The following CAMK1D variants were observed in gnomAD, a reference collection of about 807,000 sequenced individuals.
CAMK1D encodes the protein calcium/calmodulin dependent protein kinase ID.
A neutral mutation model predicts 47.7 loss-of-function variants in CAMK1D; 9 were observed. That is an observed-to-expected ratio of 0.19 (90% CI 0.11 to 0.33). CAMK1D has a LOEUF of 0.33. Ranked by LOEUF, CAMK1D falls within the 10% of genes least tolerant of loss-of-function variation. The pLI, the probability that CAMK1D is intolerant of heterozygous loss-of-function variation, is 1.00. For synonymous variants in CAMK1D, 184 were observed against 184.9 expected (o/e 0.99, Z 0.04); for missense variants, 291 against 488.7 (o/e 0.60, Z 3.81).
intron 1 of CAMK1D, among the ~76,000 whole-genome samples, chr10:12,393,054 C>G (rs1333978319): frequency 6.8e-6 from 1 of 147,700 alleles, no homozygotes; most frequent in African/African-American, 2.5e-5. Context: ...TTTTTTGAGA[C>G]ACAGTTTTGC....
intron 1 of CAMK1D, among the ~76,000 whole-genome samples, chr10:12,460,005 C>T (rs1281295791): frequency 1.3e-5 from 2 of 152,144 alleles, no homozygotes; most frequent in Admixed American, 6.5e-5. Context: ...ACTATAGCTC[C>T]ATCTGACATG....
chr10:12,362,112 G>A (rs925143407), intron 1 of CAMK1D, among the ~76,000 whole-genome samples: 4 of 152,086 alleles, frequency 2.6e-5, no homozygotes, highest in African/African-American at 9.7e-5. Flanking sequence ...ACTTGCCATC[G>A]TAACCATTTT....
At chr10:12,389,692 G>A (rs1026887682) in intron 1 of CAMK1D, among the ~76,000 whole-genome samples, 1 of 152,198 alleles carries the variant, frequency 6.6e-6, no homozygotes, top group Non-Finnish European at 1.5e-5. Context: ...GTTAATGGCC[G>A]TGAGTTTGAA....
intron 2 of CAMK1D, 92 bp from the exon 3 acceptor site, chr10:12,666,644 G>C (rs1840440417): frequency 9.8e-7 from 1 of 1,021,346 alleles, no homozygotes; most frequent in Admixed American, 2.0e-5. Context: ...TTTGGATTCT[G>C]TTTTGTAACT....
intron 1 of CAMK1D, among the ~76,000 whole-genome samples, chr10:12,365,156 A>G (rs990911396): frequency 1.3e-5 from 2 of 151,872 alleles, no homozygotes; most frequent in Admixed American, 6.6e-5. Flanking sequence ...GGGTTTCACC[A>G]TGTTGGCCGG....
intron 3 of CAMK1D, among the ~76,000 whole-genome samples, chr10:12,741,091 C>T (rs1408557105): frequency 6.6e-6 from 1 of 152,170 alleles, no homozygotes; most frequent in Non-Finnish European, 1.5e-5. Context: ...GACTTTAAAT[C>T]ATTTAATCAC....
In CAMK1D at chr10:12,779,245, A is replaced by G. The variant is rs893611733; in HGVS notation, c.565+9446A>G. Among the ~76,000 whole-genome samples the G allele has an allele frequency of 1.1e-4, 16 of 152,350 alleles. 1 individual carries two copies. The highest frequency in any genetic ancestry group is 6.5e-4 in the Admixed American group (10 of 15,314). Reference sequence around the variant, plus strand: ...TATAACATTCCCCTTGGTCTCGGCAATAAGAGATAAAAGTCAGAGCTAAGG... The same window carrying G: ...TATAACATTCCCCTTGGTCTCGGCAGTAAGAGATAAAAGTCAGAGCTAAGG... On this transcript the variant is annotated intron_variant, in intron 5 of 10. Coordinates refer to ENST00000619168, the MANE Select transcript of CAMK1D (RefSeq NM_153498.4).
At chr10:12,407,463 T>C (rs1839479386) in intron 1 of CAMK1D, among the ~76,000 whole-genome samples, 1 of 152,176 alleles carries the variant, frequency 6.6e-6, no homozygotes, top group Non-Finnish European at 1.5e-5. Flanking sequence ...TTCTCCCCCA[T>C]CCCTGTCTGC....
intron 1 of CAMK1D, among the ~76,000 whole-genome samples, chr10:12,464,228 A>G (rs1374064350): frequency 6.6e-6 from 1 of 152,098 alleles, no homozygotes; most frequent in Non-Finnish European, 1.5e-5. Flanking sequence ...TAAGAAATTA[A>G]ATGGGACACT....
chr10:12,709,479 T>C (rs966042353), intron 3 of CAMK1D, among the ~76,000 whole-genome samples: 1 of 152,050 alleles, frequency 6.6e-6, no homozygotes, highest in African/African-American at 2.4e-5. Context: ...TACAAAGAAC[T>C]GAATGCATTC....
intron 6 of CAMK1D, among the ~76,000 whole-genome samples, chr10:12,802,064 C>T (rs975878372): frequency 1.5e-4 from 23 of 152,298 alleles, no homozygotes; most frequent in African/African-American, 5.3e-4. Context: ...ACAGAGAGTT[C>T]TGGGTTGCCA....
intron 1 of CAMK1D, among the ~76,000 whole-genome samples, chr10:12,515,418 C>CTTTTTTTTTTTTTTTTTTTTT (rs55732103): frequency 4.0e-5 from 4 of 99,008 alleles, no homozygotes; most frequent in African/African-American, 8.1e-5. Flanking sequence ...TTTTTTTTTT[C>CTTTTTTTTTTTTTTTTTTTTT]TTTTTTTTTT....
chr10:12,461,128 C>T (rs1048894787), intron 1 of CAMK1D, among the ~76,000 whole-genome samples: 1 of 152,164 alleles, frequency 6.6e-6, no homozygotes, highest in Non-Finnish European at 1.5e-5. Context: ...AGGACAGGAT[C>T]GTCCTCATCC....
intron 3 of CAMK1D, among the ~76,000 whole-genome samples, chr10:12,713,169 C>A (rs1453483482): frequency 6.6e-6 from 1 of 152,108 alleles, no homozygotes; most frequent in East Asian, 1.9e-4. Context: ...CTTCCAGGTT[C>A]AAGCGATTCT....
At position 12,601,172 on chromosome 10, in the gene CAMK1D, GTT is replaced by G. The variant is rs61512069; in HGVS notation, c.224+47827_224+47828del. 6.2e-3 allele frequency among the ~76,000 whole-genome samples: 900 copies of G among 144,108 alleles called. 12 individuals are homozygous for G. The highest frequency in any genetic ancestry group is 0.02 in the African/African-American group (780 of 39,124). The allele number at this position is 144,108 out of a possible 152,430, so 94.5% of individuals were successfully genotyped here. A position where few individuals can be genotyped will look rare whatever the true frequency, so the allele number is the denominator to read the frequency against. On this transcript the variant is annotated intron_variant, in intron 2 of 10. Coordinates refer to ENST00000619168, the MANE Select transcript of CAMK1D (RefSeq NM_153498.4). ...AGTGGGATTGCTGGATAAAATGATA[GTT>G]TTTTTTTTTTGTTTGTTTGTTTTTT...
At chr10:12,483,769 C>T (rs562366269) in intron 1 of CAMK1D, among the ~76,000 whole-genome samples, 82 of 152,194 alleles carry the variant, frequency 5.4e-4, no homozygotes, top group African/African-American at 1.8e-3. Flanking sequence ...TCACTACAAC[C>T]GCCGCCTCCC....
intron 2 of CAMK1D, among the ~76,000 whole-genome samples, chr10:12,641,391 G>C (rs1469898213): frequency 6.6e-6 from 1 of 152,182 alleles, no homozygotes; most frequent in Non-Finnish European, 1.5e-5. Context: ...GGAGACTGAG[G>C]CAAGAGGATG....
Position 12,384,026 on chromosome 10 carries a change from G to C in CAMK1D, c.92+34116G>C, listed in dbSNP as rs1838419524. On this transcript the variant is annotated intron_variant, in intron 1 of 10. Transcript: ENST00000619168. The stretch of plus-strand genomic sequence containing the variant: ...ATCAAGACTGCAAGATCCAAGATCA[G>C]TATACAAAAATGAATTATATGTGTA... Among the ~76,000 whole-genome samples, 4 of 152,116 alleles carry C rather than the reference G, an allele frequency of 2.6e-5. No individual in the cohort carries two copies. The South Asian group carries it at 8.3e-4, about 31-fold the overall frequency.
At chr10:12,753,016 C>G (rs564026454) in intron 3 of CAMK1D, among the ~76,000 whole-genome samples, 2 of 152,182 alleles carry the variant, frequency 1.3e-5, no homozygotes, top group Non-Finnish European at 2.9e-5. Context: ...GAGGCTGAGG[C>G]AGGTGGATCA....
Sources: gnomAD v4.1 joint callset for allele counts (sites outside exome capture counted in the v4.1 genomes callset) on GRCh38, gnomAD v4.1.1 for gene constraint, MANE v1.5 for transcripts, NCBI Gene and HGNC (gene_info 2026-07-23, HGNC 2026-07-21) for gene names.